TLL1: variants seen among roughly 807,000 people sequenced by gnomAD.
TLL1 encodes the protein tolloid-like protein 1.
A neutral mutation model predicts 128.2 loss-of-function variants in TLL1; 49 were observed. The ratio of observed to expected loss-of-function variants is 0.38; its 90% CI spans 0.30 to 0.48. The LOEUF is 0.48. Among genes scored for constraint, TLL1 ranks in the 20% least tolerant of loss-of-function variants. The probability of loss-of-function intolerance (pLI) is 0.96; values close to 1 mark genes in which losing one functional copy is unlikely to be tolerated. For synonymous variants in TLL1, 454 were observed against 418.8 expected (o/e 1.08, Z -1.03); for missense variants, 1,123 against 1,242.0 (o/e 0.90, Z 1.44).
chr4:166,041,197 A>G (rs767937905), intron 10 of TLL1, among the ~76,000 whole-genome samples: 1 of 152,174 alleles, frequency 6.6e-6, no homozygotes, highest in Non-Finnish European at 1.5e-5. Context: ...GTGCAGTGAT[A>G]AAAGATACCA....
intron 19 of TLL1, among the ~76,000 whole-genome samples, chr4:166,096,706 A>T (rs1294869084): frequency 6.6e-6 from 1 of 152,106 alleles, no homozygotes; most frequent in Non-Finnish European, 1.5e-5. Context: ...AGCTATTTTA[A>T]AAAGCTGAAA....
intron 18 of TLL1, among the ~76,000 whole-genome samples, 181 bp from the exon 19 acceptor site, chr4:166,090,947 T>C (rs536394767): frequency 1.4e-5 from 2 of 146,814 alleles, no homozygotes; most frequent in African/African-American, 5.0e-5. Context: ...GTTTTCCTCA[T>C]TGTGTCTTTT....
intron 1 of TLL1, among the ~76,000 whole-genome samples, chr4:165,955,850 C>A (rs1734760881): frequency 6.6e-6 from 1 of 152,084 alleles, no homozygotes; most frequent in Non-Finnish European, 1.5e-5. Context: ...CCCAATATTT[C>A]AATGTAGGTT....
chr4:166,017,768 CTTCT>C, intron 8 of TLL1, among the ~76,000 whole-genome samples: 2 of 152,140 alleles, frequency 1.3e-5, no homozygotes, highest in Middle Eastern at 3.4e-3. Flanking sequence ...TCCCTTTTTA[CTTCT>C]TTCTCTTTCT....
Position 165,950,445 on chromosome 4 carries a change from C to T in TLL1, c.170-38936C>T, listed in dbSNP as rs146473657. 3.9e-3 allele frequency among the ~76,000 whole-genome samples: 600 copies of T among 152,126 alleles called. 4 individuals are homozygous for T. Among genetic ancestry groups the T allele is most frequent in the Admixed American group, 6.2e-3 (94 of 15,264 alleles). On this transcript the variant is annotated intron_variant, in intron 1 of 20. Coordinates refer to ENST00000061240, the MANE Select transcript of TLL1 (RefSeq NM_012464.5). ...CATGACCCAGTTGATATTTATAGAA[C>T]ATTTTACCCAACAACAGCAGAATAG...
In TLL1 at chr4:166,103,866, C is replaced by G. The variant is rs927159914; in HGVS notation, c.*2990C>G. 13 of 149,896 alleles carry G rather than the reference C, an allele frequency of 8.7e-5. No individual in the cohort carries two copies. Among genetic ancestry groups the G allele is most frequent in the Non-Finnish European group, 5.9e-5 (4 of 67,546 alleles). 9.3% of individuals were successfully genotyped at this position (149,896 alleles called of 1,614,324 possible). A position where few individuals can be genotyped will look rare whatever the true frequency, so the allele number is the denominator to read the frequency against. On this transcript the variant is annotated 3_prime_UTR_variant, in exon 21 of 21. Transcript: ENST00000061240. Reference sequence around the variant, plus strand: ...GAAAAAAAAAAAAACACTGTTCTCACTTGATTTTATTAAATTATTTTTAAA... The same window carrying G: ...GAAAAAAAAAAAAACACTGTTCTCAGTTGATTTTATTAAATTATTTTTAAA...
intron 17 of TLL1, among the ~76,000 whole-genome samples, 183 bp downstream of exon 17, chr4:166,075,186 C>T (rs910702767): frequency 2.0e-5 from 3 of 152,130 alleles, no homozygotes; most frequent in African/African-American, 4.8e-5. Context: ...ATCTGTACTT[C>T]GCACATAGAT....
At chr4:165,969,503 ATGT>A (rs1342445906) in intron 1 of TLL1, among the ~76,000 whole-genome samples, 3 of 152,070 alleles carry the variant, frequency 2.0e-5, no homozygotes, top group African/African-American at 7.2e-5. Flanking sequence ...TGCTGCATAT[ATGT>A]TGTTTATATT....
intron 14 of TLL1, 22 bp from the exon 15 acceptor site, chr4:166,060,006 T>G (rs1560843256): frequency 1.2e-6 from 2 of 1,612,972 alleles, no homozygotes; most frequent in Non-Finnish European, 1.7e-6. Context: ...AGAATATACC[T>G]TTTTCTTTTC....
rs73863526 is a variant in TLL1, at chr4:166,032,440, A to G, written c.1159-6899A>G. ...TTGCACTATAAGATAGAAAAACATT[A>G]TGAAGCCTCAGTAATTCAAATTCTG... is the stretch of plus-strand genomic sequence containing the variant. On this transcript the variant is annotated intron_variant, in intron 9 of 20. Coordinates refer to ENST00000061240, the MANE Select transcript of TLL1 (RefSeq NM_012464.5). 9.0e-3 allele frequency among the ~76,000 whole-genome samples: 1,376 copies of G among 152,246 alleles called. 21 individuals are homozygous for G. The highest frequency in any genetic ancestry group is 0.03 in the African/African-American group (1,259 of 41,564).
At chr4:165,976,034 C>CAAAAAAAAAAA (rs1169297533) in intron 1 of TLL1, among the ~76,000 whole-genome samples, 9 of 72,080 alleles carry the variant, frequency 1.2e-4, no homozygotes, top group Non-Finnish European at 1.5e-4. Context: ...GATTCCATCT[C>CAAAAAAAAAAA]AAAAAAAAAA....
chr4:166,076,352 C>T (rs1328636636), intron 17 of TLL1, among the ~76,000 whole-genome samples: 2 of 152,166 alleles, frequency 1.3e-5, no homozygotes, highest in Non-Finnish European at 2.9e-5. Context: ...GGATCGCAGG[C>T]ATGAGCCACT....
In TLL1 at chr4:166,100,830, G is replaced by T. The variant is rs946531483; in HGVS notation, c.2996G>T (p.Arg999Ile). The T allele has an allele frequency of 1.9e-5, 31 of 1,612,712 alleles. No individual in the cohort carries two copies. Among genetic ancestry groups the T allele is most frequent in the Non-Finnish European group, 2.6e-5 (31 of 1,179,308 alleles). Residue 999 changes from arginine (R) to isoleucine (I), a missense_variant, in exon 21 of 21, where the codon AGA (arginine) becomes ATA (isoleucine). Arg to Ile is a moderately conservative substitution (Grantham distance 97, BLOSUM62 -3). Around this residue, in one of 3 missense-constraint regions of TLL1, gnomAD observed 634 missense variants for 672.4 expected, o/e 0.94. Coordinates refer to ENST00000061240, the MANE Select transcript of TLL1 (RefSeq NM_012464.5). ...DTINKKGFHIRYKSIRYPDTT... is the reference protein window; with the variant it reads ...DTINKKGFHIIYKSIRYPDTT... Reference sequence around the variant, plus strand: ...ATCAACAAGAAGGGATTTCATATAAGATACAAAAGCATAAGATATCCAGAT... The same window carrying T: ...ATCAACAAGAAGGGATTTCATATAATATACAAAAGCATAAGATATCCAGAT...
At position 165,989,465 on chromosome 4, in the gene TLL1, C is replaced by A. The variant is rs773196572; in HGVS notation, c.254C>A (p.Pro85His). 30 of 1,612,384 alleles carry A rather than the reference C, an allele frequency of 1.9e-5. 1 individual carries two copies. The highest frequency in any genetic ancestry group is 8.5e-7 in the Non-Finnish European group (1 of 1,179,134). The change falls in exon 2 of 21, where the codon CCC becomes CAC. Residue 85 changes from proline to histidine, a missense_variant. By Grantham distance (77) the Pro-to-His change is moderately conservative. Transcript: ENST00000061240. ...AGGACAATTGACCTTACGCAGAACCCCTTTGGAAACCTTGGACATACCACA... is the reference window on the plus strand; with the variant it reads ...AGGACAATTGACCTTACGCAGAACCACTTTGGAAACCTTGGACATACCACA... ...IDRTIDLTQN[P>H]FGNLGHTTGG... is the part of the protein sequence containing the mutation.
chr4:165,998,055 G>A (rs556432516), intron 5 of TLL1, among the ~76,000 whole-genome samples: 1 of 152,192 alleles, frequency 6.6e-6, no homozygotes, highest in African/African-American at 2.4e-5. Context: ...TATAGAGACA[G>A]GTAAGAGAGG....
intron 9 of TLL1, among the ~76,000 whole-genome samples, chr4:166,026,127 C>T (rs1738479593): frequency 6.6e-6 from 1 of 152,186 alleles, no homozygotes. Context: ...GTGGCTCACG[C>T]CTGTAATCCC....
chr4:166,059,420 G>A (rs1740186211), intron 14 of TLL1, among the ~76,000 whole-genome samples: 1 of 152,028 alleles, frequency 6.6e-6, no homozygotes, highest in Non-Finnish European at 1.5e-5. Context: ...GATCATCACA[G>A]ATCTATTTAA....
At chr4:165,939,685 TTCTC>T (rs1733917294) in intron 1 of TLL1, among the ~76,000 whole-genome samples, 7 of 152,174 alleles carry the variant, frequency 4.6e-5, no homozygotes. Context: ...GGGCCACTAA[TTCTC>T]TATCTACTTT....
chr4:166,100,285 T>G (rs1742230194), intron 20 of TLL1, among the ~76,000 whole-genome samples: 1 of 152,114 alleles, frequency 6.6e-6, no homozygotes, highest in African/African-American at 2.4e-5. Context: ...TGAAAAAGCT[T>G]CTTGATGCTT....
Sources: gnomAD v4.1 joint callset for allele counts (sites outside exome capture counted in the v4.1 genomes callset) on GRCh38, gnomAD v4.1.1 for gene constraint, gnomAD v4.1.1 regional missense constraint, MANE v1.5 for transcripts, NCBI Gene and HGNC (gene_info 2026-07-23, HGNC 2026-07-21) for gene names.